The following CLCN7 variants were observed in gnomAD, a reference collection of about 807,000 sequenced individuals.
The protein encoded by CLCN7 is H(+)/Cl(-) exchange transporter 7.
CLCN7 carries 60 observed loss-of-function variants against 102.1 expected under a neutral mutation model. The ratio of observed to expected loss-of-function variants is 0.59; its 90% confidence interval spans 0.48 to 0.73. CLCN7 has a LOEUF of 0.73. Among genes scored for constraint, CLCN7 ranks in the 30% least tolerant of loss-of-function variants. The probability of loss-of-function intolerance (pLI) is 0.00; values close to 1 mark genes in which losing one functional copy is unlikely to be tolerated. For missense variants in CLCN7, 962 were observed against 1,125.7 expected, an observed-to-expected ratio of 0.85 and a Z score of 2.08; for synonymous variants, 560 against 490.5, an observed-to-expected ratio of 1.14 and a Z score of -1.87.
chr16:1,457,106 G>T lies in CLCN7; in HGVS notation c.822+148C>A. The T allele has an allele frequency of 1.3e-6, 1 of 752,830 alleles. No homozygotes were observed. The highest frequency in any genetic ancestry group is 2.3e-6 in the Non-Finnish European group (1 of 428,952). The allele number at this position is 752,830 out of a possible 1,614,324, so 46.6% of individuals were successfully genotyped here. ...GCCTTGCCGGGCAGGGACTGTGCCC[G>T]CTGGCTCTGGGAGCCACCCGCCAGG... On this transcript the variant is annotated intron_variant, in intron 9 of 24. Coordinates refer to ENST00000382745, the MANE Select transcript of CLCN7 (RefSeq NM_001287.6). The surrounding 1 kb of genome is among the most constrained non-coding windows in gnomAD (Gnocchi z 5.4).
chr16:1,473,827 T>C (rs1399611272), intron 1 of CLCN7, among the ~76,000 whole-genome samples: 7 of 151,878 alleles, frequency 4.6e-5, no homozygotes, highest in African/African-American at 1.7e-4. Context: ...CTCACGCCTG[T>C]AATCCCAGCA....
chr16:1,459,570 T>C (rs184681405), intron 6 of CLCN7, among the ~76,000 whole-genome samples: 97 of 12,062 alleles, frequency 8.0e-3, no homozygotes, highest in Admixed American at 0.014. Context: ...GCAGCACACA[T>C]GTCGGGGCCT....
chr16:1,460,542 G>A lies in CLCN7; in HGVS notation c.485-15C>T, dbSNP rs1387075460. The A allele has an allele frequency of 3.1e-6, 5 of 1,596,676 alleles. No homozygotes were observed. The East Asian group carries it at 1.1e-4, about 36-fold the overall frequency. Reference sequence around the variant, plus strand: ...CTTGTCGATATCTGGGGCTCATCAAGGAGGGCTGGCTGCTTCCCCGTCATG... The same window carrying A: ...CTTGTCGATATCTGGGGCTCATCAAAGAGGGCTGGCTGCTTCCCCGTCATG... On this transcript the variant is annotated splice_polypyrimidine_tract_variant and intron_variant, in intron 5 of 24. Transcript: ENST00000382745.
rs138692850 is a variant in CLCN7, at chr16:1,460,305, G to C, written c.594+113C>G. 5,768 of 794,344 alleles carry C rather than the reference G, an allele frequency of 7.3e-3. 324 individuals carry two copies. In the Admixed American group the frequency reaches 0.096, roughly 13 times the overall value. The allele number at this position is 794,344 out of a possible 1,614,324, so 49.2% of individuals were successfully genotyped here. On this transcript the variant is annotated intron_variant, in intron 6 of 24. Transcript: ENST00000382745. Reference sequence around the variant, plus strand: ...ACCACGTGATTCTAAAAGTGCCCGGGTTGTCAGCCAATGTGATGGTGGGGG... The same window carrying C: ...ACCACGTGATTCTAAAAGTGCCCGGCTTGTCAGCCAATGTGATGGTGGGGG...
intron 9 of CLCN7, 76 bp from the exon 10 acceptor site, chr16:1,456,282 G>T: frequency 9.2e-7 from 1 of 1,092,306 alleles, no homozygotes; most frequent in South Asian, 1.3e-5. Context: ...CAACTGCCAG[G>T]ACAGGGGCTG....
At chr16:1,459,996 G>A (rs1387230887) in intron 6 of CLCN7, among the ~76,000 whole-genome samples, 1 of 149,414 alleles carries the variant, frequency 6.7e-6, no homozygotes, top group Admixed American at 6.6e-5. Flanking sequence ...CACACGTCGG[G>A]GCCTCAGGGA....
At chr16:1,449,187 G>A (rs2038703155) in intron 18 of CLCN7, 89 bp downstream of exon 18, 2 of 1,583,812 alleles carry the variant, frequency 1.3e-6, no homozygotes, top group Admixed American at 1.8e-5. Flanking sequence ...CCATCCACCT[G>A]CTCCCAGACC....
rs372253803 is a variant in CLCN7, at chr16:1,472,106, T to A, written c.141+2728A>T. On this transcript the variant is annotated intron_variant, in intron 1 of 24. Transcript: ENST00000382745. ...CTCCAGCAGGAAGGAAGCAGCTTTA[T>A]GCGCCTGCGTCCCAGGCAGCCACAG... is the stretch of plus-strand genomic sequence containing the variant. 3 of 152,406 alleles carry A rather than the reference T, an allele frequency of 2.0e-5. No individual in the cohort carries two copies. The East Asian group carries it at 5.8e-4, about 29-fold the overall frequency. The allele number at this position is 152,406 out of a possible 1,614,324, so 9.4% of individuals were successfully genotyped here.
chr16:1,451,954 G>A (rs1439160364), intron 15 of CLCN7: 2 of 528,082 alleles, frequency 3.8e-6, no homozygotes, highest in Non-Finnish European at 7.1e-6. Context: ...CCCAGCAGGG[G>A]GCCGTGTCTA....
At position 1,460,965 on chromosome 16, in the gene CLCN7, G is replaced by C; in HGVS notation, c.352-17C>G. 6.2e-7 allele frequency: 1 copy of C among 1,611,646 alleles called. No homozygotes were observed. Among genetic ancestry groups the C allele is most frequent in the Non-Finnish European group, 8.5e-7 (1 of 1,179,754 alleles). ...CCGGAAGGCCTGCAGGGCGCGGTCA[G>C]GGCGAGGGTCAGGCAGGGCCCTGGC... On this transcript the variant is annotated splice_polypyrimidine_tract_variant and intron_variant, in intron 4 of 24. Transcript: ENST00000382745.
intron 6 of CLCN7, among the ~76,000 whole-genome samples, 176 bp downstream of exon 6, chr16:1,460,242 C>T (rs2038911576): frequency 6.6e-6 from 1 of 151,778 alleles, no homozygotes; most frequent in South Asian, 2.1e-4. Flanking sequence ...GGTGAAGAGG[C>T]CCTGGTGTGT....
chr16:1,452,666 A>G (rs2038769810), intron 15 of CLCN7, 89 bp downstream of exon 15: 6 of 1,397,708 alleles, frequency 4.3e-6, no homozygotes, highest in Non-Finnish European at 5.8e-6. Context: ...CGGGGTGGGC[A>G]GCCCTCCTCC....
Position 1,451,681 on chromosome 16 carries a change from A to G in CLCN7, c.1389T>C (p.Ala463=). 1 of 1,612,868 alleles carries G rather than the reference A, an allele frequency of 6.2e-7. No individual in the cohort carries two copies. The highest frequency in any genetic ancestry group is 8.5e-7 in the Non-Finnish European group (1 of 1,179,952). ...TCTCCGGGGTGTTGAAGAAGGCCGC[A>G]GCCATGGAGTTGTACTCGCCATCTG... ...FCADGEYNSM[A]AAFFNTPEKS... Residue 463 remains alanine, a synonymous_variant, in exon 16 of 25, where the codon GCT becomes GCC. Transcript: ENST00000382745.
intron 1 of CLCN7, among the ~76,000 whole-genome samples, chr16:1,469,783 C>A (rs2039051748): frequency 6.6e-6 from 1 of 152,264 alleles, no homozygotes; most frequent in Non-Finnish European, 1.5e-5. Flanking sequence ...CACAGCAGCA[C>A]CGTTCACAAT....
chr16:1,457,666 G>A lies in CLCN7; in HGVS notation c.738+28C>T. On this transcript the variant is annotated intron_variant, in intron 8 of 24. Transcript: ENST00000382745. This position sits in a 1 kb window ranked among gnomAD's most constrained non-coding sequence, Gnocchi z 5.4. ...GCGGGCCCGGCGGCCTCAGGCTCCA[G>A]CTGGAGTGGCCATGTGCACTTTGTT... is the stretch of plus-strand genomic sequence containing the variant. 1.2e-6 allele frequency: 2 copies of A among 1,611,998 alleles called. No homozygotes were observed. Among genetic ancestry groups the A allele is most frequent in the Non-Finnish European group, 1.7e-6 (2 of 1,179,120 alleles).
At chr16:1,447,820 C>G (rs1448244925) in intron 21 of CLCN7, 106 bp from the exon 22 acceptor site, 8 of 1,280,572 alleles carry the variant, frequency 6.2e-6, no homozygotes, top group Non-Finnish European at 8.8e-6. Flanking sequence ...GATTTCCCAT[C>G]TGGGCATGGG....
rs369832980 is a variant in CLCN7 at position 1,452,785 on chromosome 16, C to A, written c.1323G>T (p.Leu441=). The change falls in exon 15 of 25, where the codon CTG becomes CTT. Residue 441 remains leucine, a synonymous_variant. Coordinates refer to ENST00000382745, the MANE Select transcript of CLCN7 (RefSeq NM_001287.6). Reference sequence around the variant, plus strand: ...GCGGGTAGGACATGGAGCCCCCCTGCAGGGGCTGGCAATCCCGCGACGAGT... The same window carrying A: ...GCGGGTAGGACATGGAGCCCCCCTGAAGGGGCTGGCAATCCCGCGACGAGT... ...LIYSSRDCQP[L]QGGSMSYPLQ... 3.7e-6 allele frequency: 6 copies of A among 1,605,404 alleles called. No individual in the cohort carries two copies. Among genetic ancestry groups the A allele is most frequent in the Non-Finnish European group, 4.2e-6 (5 of 1,176,596 alleles).
intron 1 of CLCN7, among the ~76,000 whole-genome samples, chr16:1,473,007 A>ATCCTCCCC (rs2039098508): frequency 7.0e-6 from 1 of 142,162 alleles, no homozygotes. Flanking sequence ...GGCTCAAGTG[A>ATCCTCCCC]TCCTCCCCTA....
chr16:1,453,217 T>C (rs932189293), intron 14 of CLCN7, among the ~76,000 whole-genome samples: 2 of 152,120 alleles, frequency 1.3e-5, no homozygotes, highest in African/African-American at 4.8e-5. Context: ...TTCTCCATGT[T>C]GGTCAAGCTG....
Sources: gnomAD v4.1 joint callset for allele counts (sites outside exome capture counted in the v4.1 genomes callset) on GRCh38, gnomAD v4.1.1 for gene constraint, Gnocchi (gnomAD v3.1) non-coding constraint, MANE v1.5 for transcripts, NCBI Gene and HGNC (gene_info 2026-07-23, HGNC 2026-07-21) for gene names.